The following YJU2B variants were observed in gnomAD, a reference collection of about 807,000 sequenced individuals.
YJU2B encodes the protein YJU2 splicing factor homolog B, also known as probable splicing factor YJU2B.
YJU2B carries 18 observed loss-of-function variants against 38.0 expected under a neutral mutation model. That is an observed-to-expected ratio of 0.47 (90% CI 0.33 to 0.70). The LOEUF is 0.70. YJU2B is among the 30% of genes least tolerant of loss of function. YJU2B has a pLI of 0.02. For missense variants in YJU2B, 538 were observed against 556.3 expected (o/e 0.97, Z 0.33); for synonymous variants, 246 against 225.4 (o/e 1.09, Z -0.82).
Position 13,757,483 on chromosome 19 carries a change from T to C in YJU2B, c.196+10T>C. 6.2e-7 allele frequency: 1 copy of C among 1,607,220 alleles called. No individual in the cohort carries two copies. Among genetic ancestry groups the C allele is most frequent in the Non-Finnish European group, 8.5e-7 (1 of 1,175,856 alleles). On this transcript the variant is annotated intron_variant, in intron 5 of 9. Transcript: ENST00000221554. ...AACCACATCGGCATGGGTGAGCCTC[T>C]GCCCACCCTCCATTCAGTCCTGCAA... is the stretch of plus-strand genomic sequence containing the variant.
At chr19:13,738,201 C>T (rs1364141912) in intron 2 of YJU2B, among the ~76,000 whole-genome samples, 2 of 152,186 alleles carry the variant, frequency 1.3e-5, no homozygotes, top group Admixed American at 6.6e-5. Context: ...GGGAAGTTTC[C>T]TCTTCATCGT....
At position 13,762,699 on chromosome 19, in the gene YJU2B, G is replaced by A. The variant is rs1269331482; in HGVS notation, c.822G>A (p.Lys274=). 6.2e-7 allele frequency: 1 copy of A among 1,605,048 alleles called. No homozygotes were observed. Among genetic ancestry groups the A allele is most frequent in the Admixed American group, 1.7e-5 (1 of 59,844 alleles). Residue 274 remains lysine, a synonymous_variant, in exon 10 of 10, where the codon AAG becomes AAA. Transcript: ENST00000221554. ...SSSKVSGVLK[K]LAQSRRTALA... is the part of the protein sequence containing the mutation. ...GCAAGGTCAGCGGCGTCCTGAAGAA[G>A]CTGGCACAGAGCCGCAGAACCGCGC...
chr19:13,747,808 A>G (rs1445428863), upstream of YJU2B: 2 of 152,330 alleles, frequency 1.3e-5, no homozygotes, highest in Non-Finnish European at 2.9e-5. Flanking sequence ...CGCTTGGCGT[A>G]TCGTCCTTCA....
At chr19:13,759,364 A>T in intron 8 of YJU2B, 92 bp downstream of exon 8, 1 of 1,044,704 alleles carries the variant, frequency 9.6e-7, no homozygotes, top group Non-Finnish European at 1.4e-6. Flanking sequence ...AGCTTTGAGC[A>T]GGCCACTGTA....
Position 13,759,132 on chromosome 19 carries a change from G to T in YJU2B, c.433G>T (p.Ala145Ser), listed in dbSNP as rs773987500. The T allele has an allele frequency of 1.2e-6, 2 of 1,613,738 alleles. No homozygotes were observed. Among genetic ancestry groups the T allele is most frequent in the South Asian group, 1.1e-5 (1 of 91,054 alleles). The change falls in exon 8 of 10, where the codon GCC becomes TCC. Residue 145 changes from alanine to serine, a missense_variant. Ala to Ser is a moderately conservative substitution (Grantham distance 99). Around this residue, in one of 2 missense-constraint regions of YJU2B, gnomAD observed 488 missense variants for 469.5 expected, o/e 1.04. Coordinates refer to ENST00000221554, the MANE Select transcript of YJU2B (RefSeq NM_030818.4). ...HEKKQKLETD[A>S]MFRLEHGEAD... ...GAAGAAGCAGAAGCTGGAGACGGAC[G>T]CCATGTTCCGGCTGGAGCATGGCGA...
At chr19:13,744,852 G>C (rs939710184), upstream of YJU2B, among the ~76,000 whole-genome samples, 1 of 152,156 alleles carries the variant, frequency 6.6e-6, no homozygotes. Flanking sequence ...AATTAGCCGG[G>C]TGTTGTGGCG....
At chr19:13,733,618 G>A (rs2145070662) in intron 2 of YJU2B, among the ~76,000 whole-genome samples, 1 of 152,294 alleles carries the variant, frequency 6.6e-6, no homozygotes, top group Non-Finnish European at 1.5e-5. Flanking sequence ...CTACTCGGGA[G>A]GCTGAAGCAG....
intron 5 of YJU2B, 129 bp downstream of exon 5, chr19:13,757,602 C>T: frequency 9.2e-7 from 1 of 1,083,654 alleles, no homozygotes; most frequent in Non-Finnish European, 1.4e-6. Flanking sequence ...GAGTGACTGG[C>T]TGGCCATGGA....
At chr19:13,749,408 A>G (rs1973370344) in intron 1 of YJU2B, among the ~76,000 whole-genome samples, 1 of 152,224 alleles carries the variant, frequency 6.6e-6, no homozygotes, top group African/African-American at 2.4e-5. Context: ...TCCATCAATA[A>G]AATTTATATT....
chr19:13,759,476 A>G (rs1973802663), intron 8 of YJU2B: 2 of 531,362 alleles, frequency 3.8e-6, no homozygotes, highest in African/African-American at 3.9e-5. Context: ...GAAACAGTAG[A>G]AATTTGGCTG....
intron 3 of YJU2B, among the ~76,000 whole-genome samples, chr19:13,755,851 A>T (rs1973647336): frequency 6.6e-6 from 1 of 151,564 alleles, no homozygotes; most frequent in Non-Finnish European, 1.5e-5. Context: ...CCAGCTACTT[A>T]GGAGCCTGAG....
chr19:13,756,229 C>T lies in YJU2B; in HGVS notation c.90C>T (p.His30=). Residue 30 remains histidine (H), a synonymous_variant, in exon 4 of 10, where the codon CAC becomes CAT. Coordinates refer to ENST00000221554, the MANE Select transcript of YJU2B (RefSeq NM_030818.4). ...CTCTCAACCGATACCACAACAGCCA[C>T]CCGCTTCGGGAGCGGGCTCGGAAGC... is the stretch of plus-strand genomic sequence containing the variant. ...HGSLNRYHNS[H]PLRERARKLS... 9 of 1,614,138 alleles carry T rather than the reference C, an allele frequency of 5.6e-6. No individual in the cohort carries two copies. The highest frequency in any genetic ancestry group is 1.3e-5 in the African/African-American group (1 of 75,048).
intron 1 of YJU2B, among the ~76,000 whole-genome samples, chr19:13,751,090 G>A (rs1240073783): frequency 6.6e-6 from 1 of 152,074 alleles, no homozygotes. Context: ...ATCATGGGAG[G>A]GGTTTAAGCA....
intron 6 of YJU2B, 72 bp from the exon 7 acceptor site, chr19:13,758,796 C>A (rs1439231185): frequency 1.3e-6 from 2 of 1,542,752 alleles, no homozygotes; most frequent in African/African-American, 1.4e-5. Flanking sequence ...TGGAAGGAAG[C>A]AGGCAGAGGC....
rs541955707 is a variant in YJU2B, at chr19:13,762,270, A to C, written c.574-29A>C. Reference sequence around the variant, plus strand: ...AAGAGACAGGGCTTTGACACCCCCTATCTCTGGTGTTCTTGGCCCTCAACA... The same window carrying C: ...AAGAGACAGGGCTTTGACACCCCCTCTCTCTGGTGTTCTTGGCCCTCAACA... On this transcript the variant is annotated intron_variant, in intron 8 of 9. Transcript: ENST00000221554. The C allele has an allele frequency of 4.9e-5, 79 of 1,610,306 alleles. 1 individual carries two copies. Among genetic ancestry groups the C allele is most frequent in the Admixed American group, 6.8e-5 (4 of 59,136 alleles).
chr19:13,761,752 C>T (rs567887901), intron 8 of YJU2B, among the ~76,000 whole-genome samples: 6,938 of 55,738 alleles, frequency 0.12, 561 homozygotes, highest in African/African-American at 0.32. Context: ...GAAACAGTCT[C>T]CCCCCTTTCG....
chr19:13,759,214 C>T lies in YJU2B; in HGVS notation c.515C>T (p.Ala172Val). ...ALPTLSHIQE[A>V]QSAWKDDFAL... ...CCCACACTGAGCCACATCCAGGAGG[C>T]CCAGAGCGCCTGGAAGGACGACTTC... The change falls in exon 8 of 10, where the codon GCC (alanine) becomes GTC (valine). Residue 172 changes from alanine (A) to valine (V), a missense_variant. Transcript: ENST00000221554. 6.2e-7 allele frequency: 1 copy of T among 1,613,398 alleles called. No homozygotes were observed. Among genetic ancestry groups the T allele is most frequent in the Non-Finnish European group, 8.5e-7 (1 of 1,179,726 alleles).
At chr19:13,750,008 C>T (rs1200807682) in intron 1 of YJU2B, among the ~76,000 whole-genome samples, 2 of 152,142 alleles carry the variant, frequency 1.3e-5, no homozygotes, top group Admixed American at 1.3e-4. Context: ...GCATTTCCCA[C>T]CTGTGTCACC....
intron 4 of YJU2B, among the ~76,000 whole-genome samples, chr19:13,757,012 A>G (rs1236835144): frequency 2.6e-5 from 4 of 151,272 alleles, no homozygotes; most frequent in African/African-American, 7.3e-5. Flanking sequence ...TTGGTGGCGC[A>G]CACCTATAAT....
Sources: allele counts gnomAD v4.1 joint callset (sites outside exome capture counted in the v4.1 genomes callset), GRCh38; gene constraint gnomAD v4.1.1; regional missense constraint gnomAD v4.1.1; transcripts MANE v1.5; gene names NCBI Gene and HGNC (gene_info 2026-07-23, HGNC 2026-07-21).